TMEM234: variants seen among roughly 807,000 people sequenced by gnomAD.
The protein encoded by TMEM234 is chromosome 1 open reading frame 91.
TMEM234 carries 21 observed loss-of-function variants against 17.8 expected under a neutral mutation model. The observed-to-expected ratio is 1.18, with a 90% CI of 0.84 to 1.70. The LOEUF (loss-of-function observed/expected upper bound fraction) is 1.70, where lower values mean the gene tolerates loss of function less well. TMEM234 is among the 40% of genes most tolerant of loss of function. The probability of loss-of-function intolerance (pLI) is 0.00; values close to 1 mark genes in which losing one functional copy is unlikely to be tolerated. For synonymous variants in TMEM234, 83 were observed against 73.5 expected, an observed-to-expected ratio of 1.13 and a Z score of -0.66; for missense variants, 137 against 166.9, an observed-to-expected ratio of 0.82 and a Z score of 0.99.
downstream of TMEM234, chr1:32,215,793 C>T (rs200049017): frequency 2.2e-3 from 3,404 of 1,548,152 alleles, 2 homozygotes; most frequent in Non-Finnish European, 2.8e-3. Context: ...GGCCTTCCAC[C>T]TCCTGCAGAG....
rs1204742714 is a variant in TMEM234 at position 32,222,021 on chromosome 1, G to C, written c.17-3C>G. On this transcript the variant is annotated splice_polypyrimidine_tract_variant and splice_region_variant and intron_variant, in intron 1 of 4. Transcript: ENST00000309777. ...CAGCACCAGAGCCAACACCTGCCCT[G>C]AATGCAGACGAGTGAGTCACCCTGA... 6.2e-7 allele frequency: 1 copy of C among 1,607,938 alleles called. No homozygotes were observed. The highest frequency in any genetic ancestry group is 8.5e-7 in the Non-Finnish European group (1 of 1,177,754).
downstream of TMEM234, chr1:32,215,373 G>C: frequency 7.5e-7 from 1 of 1,333,948 alleles, no homozygotes; most frequent in Non-Finnish European, 1.0e-6. Context: ...CTAGCATGAA[G>C]GTCCAGGGCA....
At position 32,221,110 on chromosome 1, in the gene TMEM234, C is replaced by G. The variant is rs113793159; in HGVS notation, c.235+21G>C. 132 of 1,608,704 alleles carry G rather than the reference C, an allele frequency of 8.2e-5. 2 individuals carry two copies. In the African/African-American group the frequency reaches 1.3e-3, roughly 16 times the overall value. ...AGGTGGCCTCAAACACTAAGCAGAA[C>G]AGTTCCAAGCCAGGACCCACCTGTC... On this transcript the variant is annotated intron_variant, in intron 3 of 4. Coordinates refer to ENST00000309777, the MANE Select transcript of TMEM234 (RefSeq NM_019118.5).
At chr1:32,218,620 T>C (rs1319653688) in intron 3 of TMEM234, among the ~76,000 whole-genome samples, 1 of 151,838 alleles carries the variant, frequency 6.6e-6, no homozygotes, top group Non-Finnish European at 1.5e-5. Flanking sequence ...GTGACCAACA[T>C]GGAGAAACCC....
At chr1:32,215,661 C>G, downstream of TMEM234, 1 of 1,122,508 alleles carries the variant, frequency 8.9e-7, no homozygotes, top group South Asian at 1.5e-5. Context: ...AAATGATCTC[C>G]TAACTTCCTA....
intron 3 of TMEM234, 27 bp from the exon 4 acceptor site, chr1:32,217,378 C>T (rs1474351126): frequency 6.3e-7 from 1 of 1,595,456 alleles, no homozygotes; most frequent in Admixed American, 1.7e-5. Context: ...AAAAGAATGC[C>T]TGAGATGCAA....
At chr1:32,217,208 T>C in intron 4 of TMEM234, 51 bp downstream of exon 4, 1 of 1,614,064 alleles carries the variant, frequency 6.2e-7, no homozygotes, top group Non-Finnish European at 8.5e-7. Flanking sequence ...CTAACACAGG[T>C]ATGTCGAGAT....
At position 32,217,246 on chromosome 1, in the gene TMEM234, T is replaced by C. The variant is rs373961002; in HGVS notation, c.328+13A>G. The C allele has an allele frequency of 1.2e-6, 2 of 1,614,210 alleles. No individual in the cohort carries two copies. Among genetic ancestry groups the C allele is most frequent in the Non-Finnish European group, 1.7e-6 (2 of 1,180,050 alleles). On this transcript the variant is annotated intron_variant, in intron 4 of 4. Coordinates refer to ENST00000309777, the MANE Select transcript of TMEM234 (RefSeq NM_019118.5). ...ACAGAGCTGCGTCCCGCACTCGCAG[T>C]AGTCTAACTTACGTTTTCCACCAAT...
At position 32,221,202 on chromosome 1, in the gene TMEM234, A is replaced by G. The variant is rs201248070; in HGVS notation, c.169-5T>C. 2 of 1,612,118 alleles carry G rather than the reference A, an allele frequency of 1.2e-6. No individual in the cohort carries two copies. The highest frequency in any genetic ancestry group is 1.7e-6 in the Non-Finnish European group (2 of 1,178,992). On this transcript the variant is annotated splice_region_variant and splice_polypyrimidine_tract_variant and intron_variant, in intron 2 of 4. Coordinates refer to ENST00000309777, the MANE Select transcript of TMEM234 (RefSeq NM_019118.5). ...GAGGAGAAAGGGCATCAGGTACTGG[A>G]AAGAGGAGAAACCTGCAGTCAGTGT...
chr1:32,221,280 C>T, intron 2 of TMEM234, 83 bp from the exon 3 acceptor site: 1 of 1,101,868 alleles, frequency 9.1e-7, no homozygotes, highest in South Asian at 1.3e-5. Context: ...GAATGTCTTT[C>T]CTTGGAGGGA....
intron 4 of TMEM234, 133 bp from the exon 5 acceptor site, chr1:32,217,080 T>C: frequency 6.4e-7 from 1 of 1,565,916 alleles, no homozygotes; most frequent in Non-Finnish European, 8.7e-7. Flanking sequence ...TTCTCCAGAC[T>C]GTCCAGGGGA....
At chr1:32,215,046 G>A (rs925050673), downstream of TMEM234, 19 of 1,404,136 alleles carry the variant, frequency 1.4e-5, no homozygotes, top group East Asian at 1.4e-4. Flanking sequence ...ACACAAAGCC[G>A]GCACTGGAAA....
At chr1:32,216,007 G>A (rs950142760), downstream of TMEM234, 1 of 935,478 alleles carries the variant, frequency 1.1e-6, no homozygotes, top group Non-Finnish European at 1.7e-6. Context: ...GGCTCACAGG[G>A]TACACTGCGG....
downstream of TMEM234, chr1:32,215,411 C>T: frequency 6.3e-7 from 1 of 1,576,502 alleles, no homozygotes; most frequent in Non-Finnish European, 8.7e-7. Context: ...TCAGCCTGGG[C>T]ATCACCCAGT....
At position 32,221,871 on chromosome 1, in the gene TMEM234, G is replaced by A. The variant is rs370701256; in HGVS notation, c.164C>T (p.Thr55Ile). ...GGGCCTTTCACAGAGACGCACCTCA[G>A]TATTCAAGAAGAGGGTCTTCATCTC... ...LQEMKTLFLN[T>I]EYLMPFLLNQ... The change falls in exon 2 of 5, where the codon ACT becomes ATT. Residue 55 changes from threonine to isoleucine, a missense_variant. Thr to Ile is a moderately conservative substitution (Grantham distance 89, BLOSUM62 -1). Coordinates refer to ENST00000309777, the MANE Select transcript of TMEM234 (RefSeq NM_019118.5). 11 of 1,612,862 alleles carry A rather than the reference G, an allele frequency of 6.8e-6. No homozygotes were observed. Among genetic ancestry groups the A allele is most frequent in the South Asian group, 6.6e-5 (6 of 91,066 alleles).
At chr1:32,221,347 G>A in intron 2 of TMEM234, 150 bp from the exon 3 acceptor site, 1 of 657,364 alleles carries the variant, frequency 1.5e-6, no homozygotes, top group Non-Finnish European at 2.7e-6. Flanking sequence ...TCCTTCCAGG[G>A]CAAAGAGGGA....
chr1:32,217,589 A>C (rs1018580847), intron 3 of TMEM234: 8 of 848,686 alleles, frequency 9.4e-6, no homozygotes, highest in Non-Finnish European at 1.5e-5. Flanking sequence ...TGGTTTGATA[A>C]TGAGAATGAG....
At chr1:32,222,252 A>G (rs1638998869) in intron 1 of TMEM234, 55 bp downstream of exon 1, 6 of 1,528,784 alleles carry the variant, frequency 3.9e-6, no homozygotes, top group Non-Finnish European at 4.4e-6. Context: ...GGAGCAGGAA[A>G]TGAATTCGAG....
At chr1:32,220,597 C>G (rs760764259) in intron 3 of TMEM234, among the ~76,000 whole-genome samples, 23 of 152,302 alleles carry the variant, frequency 1.5e-4, no homozygotes, top group Non-Finnish European at 2.4e-4. Context: ...ATCTGCTTTA[C>G]AGAGTCATGA....
Sources: gnomAD v4.1 joint callset for allele counts (sites outside exome capture counted in the v4.1 genomes callset) on GRCh38, gnomAD v4.1.1 for gene constraint, MANE v1.5 for transcripts, NCBI Gene and HGNC (gene_info 2026-07-23, HGNC 2026-07-21) for gene names.